The following C1orf21 variants were observed in gnomAD, a reference collection of about 807,000 sequenced individuals.
C1orf21 encodes chromosome 1 open reading frame 21.
In C1orf21, 3 loss-of-function variants were observed where a neutral mutation model predicts 18.7. That is an observed-to-expected ratio of 0.16 (90% CI 0.07 to 0.42). C1orf21 has a LOEUF of 0.42. Ranked by LOEUF, C1orf21 falls within the 10% of genes least tolerant of loss-of-function variation. The pLI is 0.99. For missense variants in C1orf21, 104 were observed against 143.6 expected (o/e 0.72, Z 1.41); for synonymous variants, 41 against 46.4 (o/e 0.88, Z 0.47).
At chr1:184,492,348 A>G (rs1422294552) in intron 2 of C1orf21, among the ~76,000 whole-genome samples, 1 of 152,144 alleles carries the variant, frequency 6.6e-6, no homozygotes, top group Admixed American at 6.5e-5. Flanking sequence ...CTAATGTTCA[A>G]AGGTTCTATT....
intron 5 of C1orf21, among the ~76,000 whole-genome samples, chr1:184,610,894 G>A (rs192541601): frequency 6.0e-4 from 91 of 151,538 alleles, no homozygotes; most frequent in Middle Eastern, 6.8e-3. Flanking sequence ...TACTGTTGGT[G>A]AAATGGGGAT....
At chr1:184,606,363 G>A (rs1313163944) in intron 5 of C1orf21, among the ~76,000 whole-genome samples, 7 of 152,124 alleles carry the variant, frequency 4.6e-5, no homozygotes. Flanking sequence ...ATCACTTGAG[G>A]CCAGGAGTTT....
intron 1 of C1orf21, among the ~76,000 whole-genome samples, chr1:184,461,276 A>T (rs1389944909): frequency 6.6e-6 from 1 of 152,150 alleles, no homozygotes; most frequent in Admixed American, 6.5e-5. Context: ...AGCTTCTAAT[A>T]AGGGGTGGTT....
chr1:184,453,315 G>A (rs1307411234), intron 1 of C1orf21, among the ~76,000 whole-genome samples: 1 of 152,154 alleles, frequency 6.6e-6, no homozygotes. Context: ...ATTGCCCCAG[G>A]TACAGGTTGA....
intron 3 of C1orf21, among the ~76,000 whole-genome samples, chr1:184,561,342 C>T (rs1162601505): frequency 6.6e-6 from 1 of 152,128 alleles, no homozygotes; most frequent in Non-Finnish European, 1.5e-5. Context: ...TGCCAAACCA[C>T]CTTGAGCAGG....
intron 1 of C1orf21, among the ~76,000 whole-genome samples, chr1:184,455,808 A>G (rs150532723): frequency 1.3e-5 from 2 of 152,226 alleles, no homozygotes; most frequent in African/African-American, 4.8e-5. Context: ...TATGAATACT[A>G]TTCATGTTTG....
At chr1:184,420,850 A>G (rs779168729) in intron 1 of C1orf21, among the ~76,000 whole-genome samples, 2 of 152,124 alleles carry the variant, frequency 1.3e-5, no homozygotes, top group African/African-American at 2.4e-5. Flanking sequence ...ATATATAACA[A>G]TTAATCAGTA....
At chr1:184,463,243 C>T (rs987135302) in intron 1 of C1orf21, among the ~76,000 whole-genome samples, 5 of 152,078 alleles carry the variant, frequency 3.3e-5, no homozygotes, top group African/African-American at 9.7e-5. Flanking sequence ...GGCCAATCCT[C>T]GTGATCTCAG....
chr1:184,402,361 C>T (rs1656170292), intron 1 of C1orf21, among the ~76,000 whole-genome samples: 1 of 130,910 alleles, frequency 7.6e-6, no homozygotes, highest in Non-Finnish European at 1.5e-5. Flanking sequence ...GCATCACAAA[C>T]CGCTTATTAA....
chr1:184,581,149 G>A (rs1414255769), intron 3 of C1orf21, among the ~76,000 whole-genome samples: 1 of 152,104 alleles, frequency 6.6e-6, no homozygotes, highest in Non-Finnish European at 1.5e-5. Context: ...AATATTGGCT[G>A]GGCGAGGTGG....
At chr1:184,514,150 A>G (rs970363743) in intron 3 of C1orf21, among the ~76,000 whole-genome samples, 1 of 152,106 alleles carries the variant, frequency 6.6e-6, no homozygotes, top group Non-Finnish European at 1.5e-5. Context: ...AAAAGTAAAA[A>G]TAGAATTAGC....
intron 3 of C1orf21, among the ~76,000 whole-genome samples, chr1:184,516,372 A>C (rs1048211543): frequency 1.3e-5 from 2 of 152,194 alleles, no homozygotes; most frequent in Non-Finnish European, 1.5e-5. Context: ...GCATGACTAC[A>C]TCCCCCGCAC....
chr1:184,437,201 C>G (rs1376350993), intron 1 of C1orf21, among the ~76,000 whole-genome samples: 1 of 152,090 alleles, frequency 6.6e-6, no homozygotes, highest in Non-Finnish European at 1.5e-5. Flanking sequence ...TCTCGTACCC[C>G]CCTACATTTC....
At chr1:184,588,771 A>C (rs539546950) in intron 3 of C1orf21, among the ~76,000 whole-genome samples, 1 of 152,366 alleles carries the variant, frequency 6.6e-6, no homozygotes, top group South Asian at 2.1e-4. Flanking sequence ...GAAAATTTGT[A>C]AAACTGAGCA....
At chr1:184,527,953 C>CTTG (rs1475892338) in intron 3 of C1orf21, among the ~76,000 whole-genome samples, 1 of 152,192 alleles carries the variant, frequency 6.6e-6, no homozygotes, top group Non-Finnish European at 1.5e-5. Flanking sequence ...AAGTTATTAT[C>CTTG]TTGCTGTTGT....
intron 3 of C1orf21, among the ~76,000 whole-genome samples, chr1:184,572,594 T>A (rs1016072962): frequency 2.6e-5 from 4 of 152,202 alleles, no homozygotes; most frequent in Non-Finnish European, 4.4e-5. Context: ...TTGAAGATGA[T>A]CATTGGTAAA....
At chr1:184,573,820 A>G (rs1295900084) in intron 3 of C1orf21, among the ~76,000 whole-genome samples, 1 of 152,192 alleles carries the variant, frequency 6.6e-6, no homozygotes, top group Non-Finnish European at 1.5e-5. Flanking sequence ...GTACCCCCTG[A>G]ATATAAATTA....
chr1:184,599,216 G>A (rs1004841040), intron 5 of C1orf21: 2 of 152,212 alleles, frequency 1.3e-5, no homozygotes, highest in East Asian at 3.8e-4. Context: ...CTAAAGAAGA[G>A]TGAACTTCTA....
At chr1:184,404,570 G>T (rs554470854) in intron 1 of C1orf21, among the ~76,000 whole-genome samples, 2 of 152,134 alleles carry the variant, frequency 1.3e-5, no homozygotes, top group Non-Finnish European at 2.9e-5. Context: ...TGAGAGTAGA[G>T]CCTTAATGGT....
Sources: gnomAD v4.1 joint callset for allele counts (sites outside exome capture counted in the v4.1 genomes callset) on GRCh38, gnomAD v4.1.1 for gene constraint, MANE v1.5 for transcripts, NCBI Gene and HGNC (gene_info 2026-07-23, HGNC 2026-07-21) for gene names.